Variants in PLEKHA2 observed in about 807,000 individuals in gnomAD.
PLEKHA2 encodes the protein pleckstrin homology domain containing A2.
Under a neutral mutation model 53.2 loss-of-function variants are expected in PLEKHA2, and 28 were observed. That is an observed-to-expected ratio of 0.53 (90% confidence interval 0.39 to 0.72). The LOEUF (loss-of-function observed/expected upper bound fraction) is 0.72, where lower values mean the gene tolerates loss of function less well. Ranked by LOEUF, PLEKHA2 falls within the 30% of genes least tolerant of loss-of-function variation. The probability of loss-of-function intolerance (pLI) is 0.00; values close to 1 mark genes in which losing one functional copy is unlikely to be tolerated. For synonymous variants in PLEKHA2, 193 were observed against 196.4 expected (o/e 0.98, Z 0.14); for missense variants, 426 against 537.9 (o/e 0.79, Z 2.06).
chr8:38,928,985 G>T (rs1435782353), intron 2 of PLEKHA2, among the ~76,000 whole-genome samples: 1 of 152,162 alleles, frequency 6.6e-6, no homozygotes, highest in African/African-American at 2.4e-5. Context: ...GGAATGTGGG[G>T]CAGCGGCAGC....
At chr8:38,916,895 T>A (rs1291592151) in intron 1 of PLEKHA2, among the ~76,000 whole-genome samples, 5 of 152,230 alleles carry the variant, frequency 3.3e-5, no homozygotes, top group Admixed American at 3.3e-4. Flanking sequence ...ACCAATACCG[T>A]ACAAGGGTTC....
chr8:38,940,834 G>C (rs1834597521), intron 3 of PLEKHA2, among the ~76,000 whole-genome samples: 1 of 151,744 alleles, frequency 6.6e-6, no homozygotes, highest in Non-Finnish European at 1.5e-5. Context: ...TTTTTCGTAG[G>C]CTCTGTGGCT....
chr8:38,967,890 G>C (rs1835170382), intron 10 of PLEKHA2, among the ~76,000 whole-genome samples: 1 of 152,036 alleles, frequency 6.6e-6, no homozygotes, highest in South Asian at 2.1e-4. Flanking sequence ...GTGAACTCCT[G>C]AGCTCAGGCA....
At chr8:38,952,416 T>C (rs1834862629) in intron 7 of PLEKHA2, 104 bp downstream of exon 7, 5 of 1,480,218 alleles carry the variant, frequency 3.4e-6, no homozygotes, top group Non-Finnish European at 2.7e-6. Context: ...GGTGCCTCAG[T>C]CCTCCATGGA....
intron 10 of PLEKHA2, chr8:38,960,911 ATACT>A (rs1304261555): frequency 6.6e-6 from 1 of 152,242 alleles, no homozygotes. Context: ...CTTTGAATAG[ATACT>A]TTTTATCCAT....
chr8:38,930,591 C>T (rs541761628), intron 2 of PLEKHA2, among the ~76,000 whole-genome samples: 181 of 152,384 alleles, frequency 1.2e-3, no homozygotes, highest in Non-Finnish European at 1.7e-3. Context: ...ACAGACCACT[C>T]CTGACTTGTA....
chr8:38,968,696 G>A (rs762413623), intron 11 of PLEKHA2, 27 bp downstream of exon 11: 7 of 1,610,968 alleles, frequency 4.3e-6, no homozygotes, highest in African/African-American at 2.7e-5. Flanking sequence ...CTGTTGCACA[G>A]TGTCAACTCA....
At chr8:38,936,427 T>G (rs879695091) in intron 3 of PLEKHA2, among the ~76,000 whole-genome samples, 7 of 152,246 alleles carry the variant, frequency 4.6e-5, no homozygotes, top group Non-Finnish European at 1.0e-4. Context: ...ATCCAGCAAC[T>G]GTGAAGGATT....
rs1834876931 is a variant in PLEKHA2 at position 38,953,068 on chromosome 8, T to C, written c.703-229T>C. Among the ~76,000 whole-genome samples, 8 of 152,252 alleles carry C rather than the reference T, an allele frequency of 5.3e-5. 1 individual carries two copies. The South Asian group carries it at 1.7e-3, about 31-fold the overall frequency. ...GTTGCCCAGGCTGGTCTTGAACTCC[T>C]GGCCTCAAGCAATCCTCCAGCCTTG... On this transcript the variant is annotated intron_variant, in intron 8 of 11. Coordinates refer to ENST00000617275, the MANE Select transcript of PLEKHA2 (RefSeq NM_021623.2).
At chr8:38,905,683 T>G (rs1471256901) in intron 1 of PLEKHA2, among the ~76,000 whole-genome samples, 1 of 121,368 alleles carries the variant, frequency 8.2e-6, no homozygotes, top group Non-Finnish European at 1.7e-5. Context: ...TTTGTGTTTT[T>G]GCTTTTTTTT....
Position 38,969,435 on chromosome 8 carries a change from T to A in PLEKHA2, c.930T>A (p.Ser310=), listed in dbSNP as rs1333374971. ...LKCHPRETSF[S]RSISLTRPGS... Reference sequence around the variant, plus strand: ...TATTTTTATAGGAAACGTCCTTTTCTAGATCCATTTCTTTGACCCGACCTG... The same window carrying A: ...TATTTTTATAGGAAACGTCCTTTTCAAGATCCATTTCTTTGACCCGACCTG... The change falls in exon 12 of 12, where the codon TCT becomes TCA. Residue 310 remains serine (S), a synonymous_variant. Coordinates refer to ENST00000617275, the MANE Select transcript of PLEKHA2 (RefSeq NM_021623.2). 1.9e-6 allele frequency: 3 copies of A among 1,611,706 alleles called. No homozygotes were observed. Among genetic ancestry groups the A allele is most frequent in the Admixed American group, 3.4e-5 (2 of 59,010 alleles).
At chr8:38,931,584 C>T (rs541289114) in intron 2 of PLEKHA2, among the ~76,000 whole-genome samples, 20 of 152,310 alleles carry the variant, frequency 1.3e-4, no homozygotes, top group Admixed American at 2.6e-4. Flanking sequence ...GGAGATGTCA[C>T]GAGAAAACGT....
At chr8:38,952,775 G>A in intron 8 of PLEKHA2, 71 bp downstream of exon 8, 3 of 1,478,222 alleles carry the variant, frequency 2.0e-6, no homozygotes, top group East Asian at 2.3e-5. Flanking sequence ...ACACCCACAG[G>A]AGAGCGTGCA....
Position 38,969,499 on chromosome 8 carries a change from T to C in PLEKHA2, c.994T>C (p.Cys332Arg). ...SLSSGPNSIL[C>R]RGRPPLEEKK... ...TTCAAGTGGGCCCAACTCTATCCTG[T>C]GCAGGGGGCGGCCACCTTTGGAGGA... The change falls in exon 12 of 12, where the codon TGC becomes CGC. Residue 332 changes from cysteine to arginine, a missense_variant. Physicochemically the swap from Cys to Arg is radical, Grantham distance 180. Transcript: ENST00000617275. 1 of 1,613,846 alleles carries C rather than the reference T, an allele frequency of 6.2e-7. No individual in the cohort carries two copies. Among genetic ancestry groups the C allele is most frequent in the Non-Finnish European group, 8.5e-7 (1 of 1,179,812 alleles).
Position 38,952,224 on chromosome 8 carries a change from C to G in PLEKHA2, c.545C>G (p.Ser182Cys). 6.2e-7 allele frequency: 1 copy of G among 1,613,180 alleles called. No individual in the cohort carries two copies. Among genetic ancestry groups the G allele is most frequent in the African/African-American group, 1.3e-5 (1 of 75,052 alleles). The change falls in exon 7 of 12, where the codon TCT becomes TGT. Residue 182 changes from serine (S) to cysteine (C), a missense_variant. Transcript: ENST00000617275. The part of the protein sequence containing the change: ...EPGSHTILRR[S>C]QSYIPTSGCR... ...GGGTCCCACACCATCCTTCGAAGGT[C>G]TCAGAGTTACATCCCCACGTCAGGC...
At chr8:38,930,656 TGGC>T in intron 2 of PLEKHA2, among the ~76,000 whole-genome samples, 1 of 152,086 alleles carries the variant, frequency 6.6e-6, no homozygotes, top group South Asian at 2.1e-4. Flanking sequence ...CGGCATGGCA[TGGC>T]ATGGCACGGC....
At chr8:38,969,287 C>A in intron 11 of PLEKHA2, 134 bp from the exon 12 acceptor site, 1 of 1,088,012 alleles carries the variant, frequency 9.2e-7, no homozygotes. Context: ...GACTGTATTT[C>A]ATTTTTGTAG....
At chr8:38,918,271 C>G (rs1564109269) in intron 2 of PLEKHA2, among the ~76,000 whole-genome samples, 1 of 151,328 alleles carries the variant, frequency 6.6e-6, no homozygotes, top group Non-Finnish European at 1.5e-5. Context: ...ACCCCATACA[C>G]ACCACACACA....
At chr8:38,963,718 C>T (rs191598685) in intron 10 of PLEKHA2, among the ~76,000 whole-genome samples, 427 of 152,294 alleles carry the variant, frequency 2.8e-3, no homozygotes, top group Non-Finnish European at 4.8e-3. Flanking sequence ...ATTGTGATCT[C>T]AATAAAATAA....
Sources: gnomAD v4.1 joint callset for allele counts (sites outside exome capture counted in the v4.1 genomes callset) on GRCh38, gnomAD v4.1.1 for gene constraint, MANE v1.5 for transcripts, NCBI Gene and HGNC (gene_info 2026-07-23, HGNC 2026-07-21) for gene names.